The following LAMA2 variants were observed in gnomAD, a reference collection of about 807,000 sequenced individuals.
LAMA2 encodes laminin subunit alpha 2.
In LAMA2, 269 loss-of-function variants were observed where a neutral mutation model predicts 364.8. The observed-to-expected ratio is 0.74, with a 90% CI of 0.67 to 0.82. The LOEUF is 0.82. LAMA2 is among the 40% of genes least tolerant of loss of function. LAMA2 has a pLI of 0.00. For missense variants in LAMA2, 3,807 were observed against 3,873.2 expected (o/e 0.98, Z 0.45); for synonymous variants, 1,379 against 1,370.6 (o/e 1.01, Z -0.14).
chr6:129,269,334 A>T (rs1219779847), intron 16 of LAMA2, among the ~76,000 whole-genome samples: 1 of 150,410 alleles, frequency 6.6e-6, no homozygotes, highest in Admixed American at 6.7e-5. Flanking sequence ...ACCTGTAAAA[A>T]TAACCAATCC....
rs1562520857 is a variant in LAMA2 at position 129,391,609 on chromosome 6, G to A, written c.5190G>A (p.Arg1730=). The A allele has an allele frequency of 6.2e-7, 1 of 1,613,920 alleles. No homozygotes were observed. ...EIDQMIKELR[R]KNLETQKEIA... Reference sequence around the variant, plus strand: ...ACCAGATGATTAAAGAACTGAGGAGGAAAAATCTAGAGACACAAAAGGAAA... The same window carrying A: ...ACCAGATGATTAAAGAACTGAGGAGAAAAAATCTAGAGACACAAAAGGAAA... Residue 1730 remains arginine (R), a synonymous_variant, in exon 36 of 65, where the codon AGG becomes AGA. Transcript: ENST00000421865.
chr6:128,955,989 C>G (rs1409470068), intron 1 of LAMA2, among the ~76,000 whole-genome samples: 1 of 151,822 alleles, frequency 6.6e-6, no homozygotes, highest in African/African-American at 2.4e-5. Context: ...CTGATCAAAA[C>G]ACATGAATTT....
chr6:129,113,610 G>T (rs532518456), intron 4 of LAMA2, among the ~76,000 whole-genome samples: 5 of 152,088 alleles, frequency 3.3e-5, no homozygotes, highest in African/African-American at 1.2e-4. Flanking sequence ...ACAAAACAAA[G>T]CAAACAAGTA....
chr6:129,415,848 A>G (rs1477244487), intron 40 of LAMA2, among the ~76,000 whole-genome samples: 1 of 152,092 alleles, frequency 6.6e-6, no homozygotes, highest in Non-Finnish European at 1.5e-5. Flanking sequence ...CTTATCTCAC[A>G]AAAAAGAAAA....
At chr6:128,912,671 C>T (rs561572916) in intron 1 of LAMA2, among the ~76,000 whole-genome samples, 249 of 152,108 alleles carry the variant, frequency 1.6e-3, no homozygotes, top group African/African-American at 5.7e-3. Context: ...ATGAGCAAGA[C>T]GATTTTTTAA....
At chr6:129,222,415 C>T (rs1783920162) in intron 12 of LAMA2, among the ~76,000 whole-genome samples, 1 of 151,668 alleles carries the variant, frequency 6.6e-6, no homozygotes, top group African/African-American at 2.4e-5. Flanking sequence ...TGTATGTGTA[C>T]ATGTGCCATG....
At chr6:129,191,789 T>G (rs1781536553) in intron 11 of LAMA2, among the ~76,000 whole-genome samples, 1 of 152,210 alleles carries the variant, frequency 6.6e-6, no homozygotes, top group Admixed American at 6.5e-5. Flanking sequence ...CCCTTAGCAT[T>G]CTGCTTCCCA....
intron 16 of LAMA2, 65 bp from the exon 17 acceptor site, chr6:129,270,559 A>C: frequency 6.3e-7 from 1 of 1,576,654 alleles, no homozygotes; most frequent in Admixed American, 1.7e-5. Context: ...TCGTAGACCT[A>C]TTTTTGGCAA....
chr6:128,933,449 G>A (rs1032877912), intron 1 of LAMA2, among the ~76,000 whole-genome samples: 1 of 152,136 alleles, frequency 6.6e-6, no homozygotes, highest in Admixed American at 6.5e-5. Context: ...GGATTGCTGG[G>A]TCATATTGTA....
chr6:129,063,618 A>G (rs1298388926), intron 3 of LAMA2, among the ~76,000 whole-genome samples: 1 of 152,114 alleles, frequency 6.6e-6, no homozygotes, highest in Non-Finnish European at 1.5e-5. Context: ...CTTAACTAGG[A>G]GTCTTCTCCT....
chr6:129,505,227 G>A lies in LAMA2; in HGVS notation c.8575G>A (p.Gly2859Arg), dbSNP rs755908120. ...TAAGATAATGAGAAGTAAGCAAGAA[G>A]GAATTCTTTATGTAGATGGGGCTTC... ...KIKIMRSKQE[G>R]ILYVDGASNR... Residue 2859 changes from glycine to arginine, a missense_variant, in exon 61 of 65, where the codon GGA becomes AGA. By Grantham distance (125) the Gly-to-Arg change is moderately radical. Coordinates refer to ENST00000421865, the MANE Select transcript of LAMA2 (RefSeq NM_000426.4). The A allele has an allele frequency of 1.3e-5, 21 of 1,613,794 alleles. No homozygotes were observed. In the African/African-American group the frequency reaches 2.5e-4, roughly 19 times the overall value.
chr6:129,097,344 A>G (rs1176017185), intron 3 of LAMA2, among the ~76,000 whole-genome samples: 1 of 152,228 alleles, frequency 6.6e-6, no homozygotes, highest in Non-Finnish European at 1.5e-5. Flanking sequence ...CTACATTGGT[A>G]AAGACACAGA....
chr6:128,962,185 T>TATACACACAC (rs1214826895), intron 1 of LAMA2, among the ~76,000 whole-genome samples: 29 of 103,922 alleles, frequency 2.8e-4, no homozygotes, highest in African/African-American at 1.0e-3. Context: ...TATATATATA[T>TATACACACAC]ACACACATAC....
intron 4 of LAMA2, among the ~76,000 whole-genome samples, chr6:129,106,124 G>A (rs978461127): frequency 1.3e-4 from 20 of 151,304 alleles, no homozygotes; most frequent in African/African-American, 4.4e-4. Context: ...AAAAATCCCT[G>A]GAGAAACCAT....
chr6:129,515,603 G>GAT (rs1786990632), intron 64 of LAMA2, among the ~76,000 whole-genome samples: 1 of 146,628 alleles, frequency 6.8e-6, no homozygotes, highest in South Asian at 2.3e-4. Flanking sequence ...GTAAGAAAGT[G>GAT]ATAAAGTCAC....
intron 12 of LAMA2, among the ~76,000 whole-genome samples, chr6:129,215,776 A>G (rs117825195): frequency 6.6e-6 from 1 of 152,142 alleles, no homozygotes; most frequent in Non-Finnish European, 1.5e-5. Flanking sequence ...CTCATGAGAC[A>G]CTGGATATGT....
intron 3 of LAMA2, among the ~76,000 whole-genome samples, chr6:129,075,530 G>A (rs1308607832): frequency 6.6e-6 from 1 of 152,180 alleles, no homozygotes; most frequent in Non-Finnish European, 1.5e-5. Context: ...GTGGCAGTCA[G>A]GAAACCATAG....
intron 4 of LAMA2, among the ~76,000 whole-genome samples, chr6:129,117,618 A>T (rs1406779946): frequency 6.6e-6 from 1 of 152,202 alleles, no homozygotes; most frequent in East Asian, 1.9e-4. Context: ...GCCACACAAA[A>T]GTGTTTTTTC....
At chr6:129,341,262 C>T (rs1243166685) in intron 29 of LAMA2, among the ~76,000 whole-genome samples, 3 of 152,154 alleles carry the variant, frequency 2.0e-5, no homozygotes, top group African/African-American at 7.2e-5. Flanking sequence ...TTCAAGCTGG[C>T]GGCTTCGTGG....
Sources: allele counts gnomAD v4.1 joint callset (sites outside exome capture counted in the v4.1 genomes callset), GRCh38; gene constraint gnomAD v4.1.1; transcripts MANE v1.5; gene names NCBI Gene and HGNC (gene_info 2026-07-23, HGNC 2026-07-21).